The following LYPD6B variants were observed in gnomAD, a reference collection of about 807,000 sequenced individuals.
The protein encoded by LYPD6B is LY6/PLAUR domain containing 6B.
LYPD6B carries 17 observed loss-of-function variants against 22.8 expected under a neutral mutation model. That is an observed-to-expected ratio of 0.75 (90% CI 0.51 to 1.12). The LOEUF is 1.12. Among genes scored for constraint, LYPD6B ranks in the 50% most tolerant of loss-of-function variants. LYPD6B has a pLI of 0.00. For missense variants in LYPD6B, 221 were observed against 258.3 expected (o/e 0.86, Z 0.99); for synonymous variants, 106 against 91.6 (o/e 1.16, Z -0.90).
chr2:149,090,775 T>C (rs1489233693), intron 1 of LYPD6B, among the ~76,000 whole-genome samples: 1 of 152,140 alleles, frequency 6.6e-6, no homozygotes, highest in African/African-American at 2.4e-5. Flanking sequence ...GCAATAAGCA[T>C]TTGTCTTTAT....
At chr2:149,084,052 T>TTGCACTGC (rs1177663276) in intron 1 of LYPD6B, among the ~76,000 whole-genome samples, 1 of 152,052 alleles carries the variant, frequency 6.6e-6, no homozygotes, top group Admixed American at 6.5e-5. Flanking sequence ...TGAGCCAAGA[T>TTGCACTGC]TGCACTGCTG....
intron 1 of LYPD6B, among the ~76,000 whole-genome samples, chr2:149,053,421 G>A (rs908523272): frequency 3.3e-5 from 5 of 152,138 alleles, no homozygotes; most frequent in African/African-American, 9.7e-5. Flanking sequence ...TACAGCTAAA[G>A]TTGTAACATT....
intron 2 of LYPD6B, among the ~76,000 whole-genome samples, chr2:149,157,676 C>G (rs139729357): frequency 2.2e-4 from 33 of 152,354 alleles, no homozygotes; most frequent in African/African-American, 7.9e-4. Context: ...ATCTGCTCTT[C>G]CATACACGTT....
Position 149,214,654 on chromosome 2 carries a change from GC to G in LYPD6B, c.573del (p.Thr192HisfsTer37). 1.2e-6 allele frequency: 2 copies of G among 1,613,976 alleles called. No homozygotes were observed. On this transcript the variant is annotated frameshift_variant, in exon 7 of 7. Transcript: ENST00000409642. LOFTEE classifies it low-confidence loss of function (END_TRUNC). ...MHAQRTSGSS[A>X]PTLYLPVLAW... is the part of the protein sequence containing the mutation. ...CGCTCAGAGAACATCTGGCAGCAGTGCCCCCACACTCTACCTACCAGTGCTT... is the reference window on the plus strand; with the variant it reads ...CGCTCAGAGAACATCTGGCAGCAGTGCCCCACACTCTACCTACCAGTGCTT...
intron 1 of LYPD6B, among the ~76,000 whole-genome samples, chr2:149,099,415 G>T (rs1018653886): frequency 9.7e-6 from 1 of 103,048 alleles, no homozygotes; most frequent in Non-Finnish European, 2.1e-5. Flanking sequence ...AAGTTCCTTG[G>T]GCCTAGGATC....
At chr2:149,057,703 C>T (rs1254569752) in intron 1 of LYPD6B, among the ~76,000 whole-genome samples, 1 of 152,168 alleles carries the variant, frequency 6.6e-6, no homozygotes, top group Admixed American at 6.5e-5. Flanking sequence ...GGAAGAATTA[C>T]AGCATTGCAG....
At chr2:149,123,866 C>A (rs10930297) in intron 1 of LYPD6B, among the ~76,000 whole-genome samples, 79,702 of 151,768 alleles carry the variant, frequency 0.53, 21,250 homozygotes, top group East Asian at 0.85. Context: ...TCTCTAAATA[C>A]ATACATAAAT....
chr2:149,081,873 A>T (rs569577890), intron 1 of LYPD6B, among the ~76,000 whole-genome samples: 1 of 152,366 alleles, frequency 6.6e-6, no homozygotes, highest in Non-Finnish European at 1.5e-5. Context: ...GGTCAACATT[A>T]TATGAGGCTT....
intron 4 of LYPD6B, among the ~76,000 whole-genome samples, chr2:149,207,632 A>G (rs569458578): frequency 2.2e-4 from 33 of 152,232 alleles, no homozygotes; most frequent in Non-Finnish European, 3.1e-4. Context: ...AAGAATTACT[A>G]TCATCCTCAT....
At chr2:149,090,915 A>G (rs188318650) in intron 1 of LYPD6B, among the ~76,000 whole-genome samples, 2 of 152,312 alleles carry the variant, frequency 1.3e-5, no homozygotes, top group African/African-American at 2.4e-5. Flanking sequence ...AGTGATTCAC[A>G]TGCACACTTT....
chr2:149,082,362 C>T (rs1233642459), intron 1 of LYPD6B, among the ~76,000 whole-genome samples: 1 of 152,172 alleles, frequency 6.6e-6, no homozygotes, highest in Non-Finnish European at 1.5e-5. Context: ...AAACCTACGT[C>T]AGGAAGCAAG....
In LYPD6B at chr2:149,125,671, A is replaced by G. The variant is rs139833010; in HGVS notation, c.-66-5212A>G. On this transcript the variant is annotated intron_variant, in intron 1 of 6. Transcript: ENST00000409642. Reference sequence around the variant, plus strand: ...AGGCATCTTCGAGTACCTTAACTCCAATCACTCTCTCTTGAATTATATGCT... The same window carrying G: ...AGGCATCTTCGAGTACCTTAACTCCGATCACTCTCTCTTGAATTATATGCT... Among the ~76,000 whole-genome samples, 5 of 152,270 alleles carry G rather than the reference A, an allele frequency of 3.3e-5. No individual in the cohort carries two copies. In the East Asian group the frequency reaches 9.7e-4, roughly 29 times the overall value.
chr2:149,077,863 A>G (rs1483540325), intron 1 of LYPD6B, among the ~76,000 whole-genome samples: 1 of 152,216 alleles, frequency 6.6e-6, no homozygotes, highest in Non-Finnish European at 1.5e-5. Flanking sequence ...CATTTGGCTG[A>G]AAGTGATCTG....
chr2:149,124,147 TTGTTGAAAATATTAAAGAATGTC>T (rs1254678741), intron 1 of LYPD6B, among the ~76,000 whole-genome samples: 1 of 152,172 alleles, frequency 6.6e-6, no homozygotes, highest in Non-Finnish European at 1.5e-5. Context: ...CTAATTCCCT[TTGTTGAAAATATTAAAGAATGTC>T]TTGTCCTTTT....
chr2:149,064,624 T>C (rs1684240291), intron 1 of LYPD6B, among the ~76,000 whole-genome samples: 1 of 152,146 alleles, frequency 6.6e-6, no homozygotes, highest in Admixed American at 6.5e-5. Flanking sequence ...ATCTTTGAGG[T>C]CACACAACAA....
chr2:149,129,351 G>T (rs993117227), intron 1 of LYPD6B, among the ~76,000 whole-genome samples: 2 of 152,190 alleles, frequency 1.3e-5, no homozygotes, highest in Admixed American at 6.5e-5. Flanking sequence ...TAGGAAGCAG[G>T]ATGTTTCTTG....
chr2:149,120,383 A>ATATATATATATATTTTTTTTTT (rs1327065975), intron 1 of LYPD6B, among the ~76,000 whole-genome samples: 1 of 48,614 alleles, frequency 2.1e-5, no homozygotes, highest in East Asian at 1.5e-3. Flanking sequence ...ATATATATAT[A>ATATATATATATATTTTTTTTTT]TTTTTTTTTT....
Position 149,160,669 on chromosome 2 carries a change from GA to G in LYPD6B, c.6-92del, listed in dbSNP as rs1689996117. On this transcript the variant is annotated intron_variant, in intron 2 of 6. Coordinates refer to ENST00000409642, the MANE Select transcript of LYPD6B (RefSeq NM_177964.5). Reference sequence around the variant, plus strand: ...ATTCTGAAACATCTCCAAACATCCAGAAACCTGCCTTTTGTTAGAAAACATT... The same window carrying G: ...ATTCTGAAACATCTCCAAACATCCAGAACCTGCCTTTTGTTAGAAAACATT... 10 of 869,964 alleles carry G rather than the reference GA, an allele frequency of 1.1e-5. No homozygotes were observed. The South Asian group carries it at 1.4e-4, about 13-fold the overall frequency. The allele number at this position is 869,964 out of a possible 1,614,324, so 53.9% of individuals were successfully genotyped here.
chr2:149,100,681 T>A (rs1686159497), intron 1 of LYPD6B, among the ~76,000 whole-genome samples: 1 of 152,182 alleles, frequency 6.6e-6, no homozygotes, highest in African/African-American at 2.4e-5. Flanking sequence ...CAACTCCCAC[T>A]GGTCTTTATG....
Sources: gnomAD v4.1 joint callset for allele counts (sites outside exome capture counted in the v4.1 genomes callset) on GRCh38, gnomAD v4.1.1 for gene constraint, MANE v1.5 for transcripts, NCBI Gene and HGNC (gene_info 2026-07-23, HGNC 2026-07-21) for gene names.